TYW1B: variants seen among roughly 807,000 people sequenced by gnomAD.
TYW1B encodes the protein tRNA-yW synthesizing protein 1 homolog B, also known as S-adenosyl-L-methionine-dependent tRNA 4-demethylwyosine synthase TYW1B.
In TYW1B, 73 loss-of-function variants were observed where a neutral mutation model predicts 86.9. The ratio of observed to expected loss-of-function variants is 0.84; its 90% CI spans 0.70 to 1.02. The LOEUF (loss-of-function observed/expected upper bound fraction) is 1.02. Among genes scored for constraint, TYW1B ranks in the 50% least tolerant of loss-of-function variants. The pLI, the probability that TYW1B is intolerant of heterozygous loss-of-function variation, is 0.00. For missense variants in TYW1B, 637 were observed against 827.4 expected (o/e 0.77, Z 2.82); for synonymous variants, 248 against 292.8 (o/e 0.85, Z 1.56).
Position 72,713,508 on chromosome 7 carries a change from T to G in TYW1B, c.1370+113A>C, listed in dbSNP as rs527629884. The G allele has an allele frequency of 8.3e-5, 92 of 1,103,050 alleles. No individual in the cohort carries two copies. In the African/African-American group the frequency reaches 1.4e-3, roughly 17 times the overall value. 68.3% of individuals were successfully genotyped at this position (1,103,050 alleles called of 1,614,324 possible). On this transcript the variant is annotated intron_variant, in intron 10 of 13. Coordinates refer to ENST00000620995, the MANE Select transcript of TYW1B (RefSeq NM_001145440.3). The stretch of plus-strand genomic sequence containing the variant: ...TCTTCACCTCCCAAAGCCCAACATT[T>G]GTATGTAGTAAGTAATCAATAAATC...
intron 7 of TYW1B, among the ~76,000 whole-genome samples, chr7:72,764,302 T>A (rs1554467925): frequency 2.0e-5 from 3 of 152,156 alleles, no homozygotes; most frequent in Admixed American, 6.6e-5. Context: ...TTTTTTTTCT[T>A]TTAAGACAGA....
chr7:72,656,216 T>C (rs1254287159), intron 11 of TYW1B, among the ~76,000 whole-genome samples: 1 of 151,862 alleles, frequency 6.6e-6, no homozygotes, highest in Admixed American at 6.6e-5. Flanking sequence ...CTGACATTGA[T>C]TACAATCCAA....
intron 7 of TYW1B, among the ~76,000 whole-genome samples, chr7:72,746,415 C>T (rs1262272881): frequency 2.6e-5 from 4 of 152,140 alleles, no homozygotes; most frequent in African/African-American, 9.7e-5. Flanking sequence ...ATGCTAGTCA[C>T]AGAGTAATTT....
At chr7:72,600,484 A>T (rs1162156062) in intron 13 of TYW1B, among the ~76,000 whole-genome samples, 3 of 152,116 alleles carry the variant, frequency 2.0e-5, no homozygotes, top group Non-Finnish European at 4.4e-5. Flanking sequence ...GGGATCCATG[A>T]AAAAAAATTA....
chr7:72,681,977 A>T (rs1245293876), intron 11 of TYW1B, among the ~76,000 whole-genome samples: 3 of 151,922 alleles, frequency 2.0e-5, no homozygotes, highest in Non-Finnish European at 4.4e-5. Flanking sequence ...TCCCGGGTTC[A>T]GGTGATTCTC....
Position 72,586,417 on chromosome 7 carries a change from A to C in TYW1B, c.1786-10698T>G, listed in dbSNP as rs189996552. Among the ~76,000 whole-genome samples the C allele has an allele frequency of 1.8e-3, 273 of 152,292 alleles. 1 individual carries two copies. Among genetic ancestry groups the C allele is most frequent in the Admixed American group, 4.2e-3 (65 of 15,298 alleles). On this transcript the variant is annotated intron_variant, in intron 13 of 13. Coordinates refer to ENST00000620995, the MANE Select transcript of TYW1B (RefSeq NM_001145440.3). ...CTGCATGGCCCAAAGCCCCAACCAT[A>C]TGAAATCATTTGGTTGGCAGAGAAT...
At chr7:72,598,358 C>T (rs1345707194) in intron 13 of TYW1B, among the ~76,000 whole-genome samples, 87 of 151,944 alleles carry the variant, frequency 5.7e-4, no homozygotes, top group Non-Finnish European at 1.1e-3. Context: ...ACCTTGTGAT[C>T]GTGTAAGTTA....
rs535251727 is a variant in TYW1B, at chr7:72,715,162, C to T, written c.1193-1364G>A. 2.7e-3 allele frequency among the ~76,000 whole-genome samples: 406 copies of T among 151,974 alleles called. 3 individuals are homozygous for T. Among genetic ancestry groups the T allele is most frequent in the Admixed American group, 4.0e-3 (61 of 15,254 alleles). On this transcript the variant is annotated intron_variant, in intron 9 of 13. Coordinates refer to ENST00000620995, the MANE Select transcript of TYW1B (RefSeq NM_001145440.3). ...AGATCAACTAAACGCCAATCTCTGG[C>T]GGAGGGGTGCAGGCAATTCGCAGTT...
chr7:72,744,548 T>G lies in TYW1B; in HGVS notation c.1018A>C (p.Ser340Arg). The change falls in exon 8 of 14, where the codon AGC becomes CGC. Residue 340 changes from serine (S) to arginine (R), a missense_variant. By Grantham distance (110) the Ser-to-Arg change is moderately radical. Transcript: ENST00000620995. ...GGGGTGGTTTCCATGCAGCGATGGC[T>G]CTCATTCCATAGAATGTGTGTTTGT... ...LLQTHILWNE[S>R]HRCMETTPSL... 6.6e-7 allele frequency: 1 copy of G among 1,517,358 alleles called. No homozygotes were observed. Among genetic ancestry groups the G allele is most frequent in the Non-Finnish European group, 8.8e-7 (1 of 1,135,704 alleles). The allele number at this position is 1,517,358 out of a possible 1,614,324, so 94.0% of individuals were successfully genotyped here.
chr7:72,788,987 C>A (rs1393474235), intron 6 of TYW1B, among the ~76,000 whole-genome samples: 8 of 151,930 alleles, frequency 5.3e-5, no homozygotes, highest in Non-Finnish European at 8.8e-5. Flanking sequence ...CCAGCTACCA[C>A]GCCCAGCTAA....
rs565682652 is a variant in TYW1B, at chr7:72,634,535, C to T, written c.1507-5538G>A. On this transcript the variant is annotated intron_variant, in intron 11 of 13. Coordinates refer to ENST00000620995, the MANE Select transcript of TYW1B (RefSeq NM_001145440.3). The stretch of plus-strand genomic sequence containing the variant: ...AGAACACACATTTTCTAGGATCTAC[C>T]TAAATATGGACATGCTGGGTCATGG... Among the ~76,000 whole-genome samples the T allele has an allele frequency of 1.1e-4, 17 of 149,930 alleles. No individual in the cohort carries two copies. The South Asian group carries it at 2.1e-3, about 19-fold the overall frequency.
intron 11 of TYW1B, among the ~76,000 whole-genome samples, chr7:72,665,924 A>G (rs563194733): frequency 6.6e-6 from 1 of 152,342 alleles, no homozygotes; most frequent in African/African-American, 2.4e-5. Flanking sequence ...AAGGCATCAT[A>G]AAAATAAAAA....
chr7:72,730,256 G>A (rs1206137696), intron 8 of TYW1B, among the ~76,000 whole-genome samples: 1 of 151,736 alleles, frequency 6.6e-6, no homozygotes, highest in African/African-American at 2.4e-5. Context: ...ATCAAGGCCT[G>A]TAACAGAATT....
intron 13 of TYW1B, among the ~76,000 whole-genome samples, chr7:72,608,606 A>C (rs1811855962): frequency 1.3e-5 from 2 of 152,256 alleles, no homozygotes; most frequent in Non-Finnish European, 2.9e-5. Context: ...TAGACTAAAA[A>C]AGTATGACAA....
chr7:72,631,426 AT>A (rs1395296113), intron 11 of TYW1B, among the ~76,000 whole-genome samples: 2 of 152,128 alleles, frequency 1.3e-5, no homozygotes, highest in African/African-American at 2.4e-5. Flanking sequence ...AGGCAAGAGA[AT>A]TGCTTCAACC....
At chr7:72,818,951 C>T (rs1554479954) in intron 2 of TYW1B, among the ~76,000 whole-genome samples, 1 of 152,090 alleles carries the variant, frequency 6.6e-6, no homozygotes. Flanking sequence ...GACTACGATT[C>T]GACATCAGAT....
At chr7:72,623,019 A>T (rs1404364684) in intron 12 of TYW1B, among the ~76,000 whole-genome samples, 2 of 152,236 alleles carry the variant, frequency 1.3e-5, no homozygotes, top group Non-Finnish European at 2.9e-5. Context: ...AACTGCACAC[A>T]GGGTAGATAG....
At chr7:72,734,269 A>AAAAAAAAAAAAAAAAAC (rs1554255459) in intron 8 of TYW1B, among the ~76,000 whole-genome samples, 3 of 51,592 alleles carry the variant, frequency 5.8e-5, no homozygotes, top group Admixed American at 2.0e-4. Context: ...AAAAAAAAAA[A>AAAAAAAAAAAAAAAAAC]CACAACAAAA....
intron 11 of TYW1B, among the ~76,000 whole-genome samples, chr7:72,658,609 GTAAT>G (rs1389133427): frequency 2.4e-4 from 36 of 152,130 alleles, no homozygotes; most frequent in Non-Finnish European, 4.8e-4. Flanking sequence ...ATTTGATAAA[GTAAT>G]TATTTTCCTT....
Sources: allele counts gnomAD v4.1 joint callset (sites outside exome capture counted in the v4.1 genomes callset), GRCh38; gene constraint gnomAD v4.1.1; transcripts MANE v1.5; gene names NCBI Gene and HGNC (gene_info 2026-07-23, HGNC 2026-07-21).